Variants in CSMD3 observed in about 807,000 individuals in gnomAD.
CSMD3 encodes the protein CUB and Sushi multiple domains 3.
CSMD3 carries 177 observed loss-of-function variants against 435.2 expected under a neutral mutation model. That is an observed-to-expected ratio of 0.41 (90% CI 0.36 to 0.46). The LOEUF (loss-of-function observed/expected upper bound fraction) is 0.46, where lower values mean the gene tolerates loss of function less well. Ranked by LOEUF, CSMD3 falls within the 20% of genes least tolerant of loss-of-function variation. CSMD3 has a pLI of 0.34. For synonymous variants in CSMD3, 1,656 were observed against 1,520.5 expected (o/e 1.09, Z -2.07); for missense variants, 4,265 against 4,504.6 (o/e 0.95, Z 1.52).
At chr8:112,316,248 A>G (rs1285495632) in intron 47 of CSMD3, among the ~76,000 whole-genome samples, 2 of 151,778 alleles carry the variant, frequency 1.3e-5, no homozygotes, top group Non-Finnish European at 3.0e-5. Flanking sequence ...AGTTTCTTCT[A>G]CTTCAACCTG....
At chr8:112,363,833 T>C (rs1827494346) in intron 38 of CSMD3, among the ~76,000 whole-genome samples, 1 of 152,028 alleles carries the variant, frequency 6.6e-6, no homozygotes, top group South Asian at 2.1e-4. Flanking sequence ...GTATTCTGAG[T>C]TAATGGCAAT....
chr8:112,938,640 T>C (rs1344324616), intron 9 of CSMD3, among the ~76,000 whole-genome samples: 2 of 152,112 alleles, frequency 1.3e-5, no homozygotes, highest in Non-Finnish European at 2.9e-5. Context: ...GAAATGGTAG[T>C]TTTTACTTTT....
chr8:113,387,389 CT>C (rs1406723874), intron 1 of CSMD3, among the ~76,000 whole-genome samples: 3 of 151,822 alleles, frequency 2.0e-5, no homozygotes, highest in African/African-American at 7.2e-5. Flanking sequence ...TTATACAAGC[CT>C]TTAATAATCA....
At chr8:113,108,779 G>A (rs1044980105) in intron 4 of CSMD3, among the ~76,000 whole-genome samples, 2 of 152,072 alleles carry the variant, frequency 1.3e-5, no homozygotes, top group African/African-American at 4.8e-5. Context: ...TGAAAAAGCT[G>A]GGTAAAGCTC....
chr8:112,378,965 T>G (rs985992887), intron 38 of CSMD3, among the ~76,000 whole-genome samples: 3 of 151,760 alleles, frequency 2.0e-5, no homozygotes, highest in Non-Finnish European at 2.9e-5. Flanking sequence ...GAGATTCCAT[T>G]AAAAAAAACT....
chr8:112,893,884 G>A (rs2081873773), intron 10 of CSMD3, among the ~76,000 whole-genome samples: 1 of 151,292 alleles, frequency 6.6e-6, no homozygotes, highest in African/African-American at 2.4e-5. Context: ...CTCTTCCAAT[G>A]GATATGAAAG....
chr8:113,324,294 C>T (rs2093968565), intron 1 of CSMD3, among the ~76,000 whole-genome samples: 1 of 152,192 alleles, frequency 6.6e-6, no homozygotes, highest in Non-Finnish European at 1.5e-5. Flanking sequence ...TTCACGGCAG[C>T]CCCTCCCATT....
intron 28 of CSMD3, among the ~76,000 whole-genome samples, chr8:112,516,311 G>T (rs951971688): frequency 3.9e-5 from 6 of 152,192 alleles, no homozygotes; most frequent in Non-Finnish European, 7.4e-5. Flanking sequence ...TGTTCAAAAT[G>T]TGTCGTAAAT....
At chr8:113,014,413 G>C (rs947280872) in intron 6 of CSMD3, among the ~76,000 whole-genome samples, 1 of 151,934 alleles carries the variant, frequency 6.6e-6, no homozygotes, top group Non-Finnish European at 1.5e-5. Context: ...TATGCCTACC[G>C]CTTGGTGGGG....
At chr8:113,434,545 T>C (rs1192031852) in intron 1 of CSMD3, among the ~76,000 whole-genome samples, 1 of 152,138 alleles carries the variant, frequency 6.6e-6, no homozygotes, top group Non-Finnish European at 1.5e-5. Flanking sequence ...TTGGGGACAG[T>C]ATTCCAAGTC....
At chr8:112,950,194 T>C (rs1261617021) in intron 8 of CSMD3, among the ~76,000 whole-genome samples, 1 of 152,018 alleles carries the variant, frequency 6.6e-6, no homozygotes, top group Non-Finnish European at 1.5e-5. Context: ...TCAACAAATA[T>C]GTCCTAGTTG....
At chr8:113,210,498 C>T (rs1488462980) in intron 3 of CSMD3, among the ~76,000 whole-genome samples, 1 of 152,010 alleles carries the variant, frequency 6.6e-6, no homozygotes, top group African/African-American at 2.4e-5. Context: ...TAAAAATGTA[C>T]ATATTTTATA....
rs2131786394 is a variant in CSMD3, at chr8:112,682,572, G to A, written c.2547C>T (p.Asn849=). 1.2e-6 allele frequency: 2 copies of A among 1,613,732 alleles called. No individual in the cohort carries two copies. The highest frequency in any genetic ancestry group is 1.7e-6 in the Non-Finnish European group (2 of 1,179,714). Residue 849 remains asparagine (N), a synonymous_variant, in exon 16 of 71, where the codon AAC becomes AAT. Transcript: ENST00000297405. ...IPINARRFGD[N]FQLGSSISVI... Reference sequence around the variant, plus strand: ...CTGAAATTGAACTTCCTAATTGAAAGTTGTCCCCAAACCGCCGTGCATTGA... The same window carrying A: ...CTGAAATTGAACTTCCTAATTGAAAATTGTCCCCAAACCGCCGTGCATTGA...
chr8:112,590,216 A>G (rs182182004), intron 22 of CSMD3, among the ~76,000 whole-genome samples: 2 of 152,086 alleles, frequency 1.3e-5, no homozygotes, highest in Non-Finnish European at 1.5e-5. Context: ...TATGGGACCT[A>G]CTTTCCAGTG....
chr8:112,599,500 C>T (rs920367561), intron 22 of CSMD3, among the ~76,000 whole-genome samples: 183 of 151,726 alleles, frequency 1.2e-3, no homozygotes, highest in Middle Eastern at 3.4e-3. Context: ...ACCATTTGAC[C>T]CAGCCATCCC....
At chr8:113,288,292 A>T (rs2093660760) in intron 2 of CSMD3, among the ~76,000 whole-genome samples, 1 of 151,858 alleles carries the variant, frequency 6.6e-6, no homozygotes, top group African/African-American at 2.4e-5. Context: ...TCCTGCAAAA[A>T]TGGATATTGA....
chr8:112,923,027 G>T (rs552111951), intron 9 of CSMD3, among the ~76,000 whole-genome samples: 1 of 152,160 alleles, frequency 6.6e-6, no homozygotes, highest in South Asian at 2.1e-4. Context: ...TTTCTGTCTT[G>T]CATTTCACAA....
intron 5 of CSMD3, among the ~76,000 whole-genome samples, chr8:113,064,552 C>T (rs1429543056): frequency 2.6e-5 from 4 of 151,858 alleles, no homozygotes; most frequent in African/African-American, 4.8e-5. Flanking sequence ...TTAACAAAAA[C>T]GAAAATAATA....
In CSMD3 at chr8:112,405,417, C is replaced by T. The variant is rs140289338; in HGVS notation, c.5809+1107G>A. ...AATAATAAAAATTCCCAGATATGTT[C>T]TTCGGGCAGAAAAGAGAGTAATTTC... is the stretch of plus-strand genomic sequence containing the variant. On this transcript the variant is annotated intron_variant, in intron 35 of 70. Coordinates refer to ENST00000297405, the MANE Select transcript of CSMD3 (RefSeq NM_198123.2). 1.6e-3 allele frequency among the ~76,000 whole-genome samples: 234 copies of T among 150,246 alleles called. 1 individual carries two copies. Among genetic ancestry groups the T allele is most frequent in the Admixed American group, 4.1e-3 (62 of 15,026 alleles).
Sources: allele counts gnomAD v4.1 joint callset (sites outside exome capture counted in the v4.1 genomes callset), GRCh38; gene constraint gnomAD v4.1.1; transcripts MANE v1.5; gene names NCBI Gene and HGNC (gene_info 2026-07-23, HGNC 2026-07-21).